Variants in MBOAT1 observed in about 807,000 individuals in gnomAD.
MBOAT1 encodes membrane bound glycerophospholipid O-acyltransferase 1, also known as membrane-bound glycerophospholipid O-acyltransferase 1.
MBOAT1 carries 67 observed loss-of-function variants against 64.4 expected under a neutral mutation model. The observed-to-expected ratio is 1.04, with a 90% confidence interval of 0.85 to 1.27. The LOEUF (loss-of-function observed/expected upper bound fraction) is 1.27, where lower values mean the gene tolerates loss of function less well. MBOAT1 is among the 50% of genes most tolerant of loss of function. MBOAT1 has a pLI of 0.00. For synonymous variants in MBOAT1, 229 were observed against 218.9 expected, an observed-to-expected ratio of 1.05 and a Z score of -0.41; for missense variants, 563 against 604.6, an observed-to-expected ratio of 0.93 and a Z score of 0.72.
At chr6:20,171,333 T>A (rs1460127530) in intron 1 of MBOAT1, among the ~76,000 whole-genome samples, 1 of 147,862 alleles carries the variant, frequency 6.8e-6, no homozygotes, top group Non-Finnish European at 1.5e-5. Flanking sequence ...GCCCAGGAGT[T>A]CAAGACCGGC....
rs115401963 is a variant in MBOAT1, at chr6:20,212,262, T to G, written c.-28A>C. 0.03 allele frequency: 47,757 copies of G among 1,595,844 alleles called. 1,777 individuals are homozygous for G. Among genetic ancestry groups the G allele is most frequent in the African/African-American group, 0.19 (13,900 of 74,676 alleles). On this transcript the variant is annotated 5_prime_UTR_variant, in exon 1 of 13. Coordinates refer to ENST00000324607, the MANE Select transcript of MBOAT1 (RefSeq NM_001080480.3). ...TGCATCTTCGGGAGGTGGCTGCCCC[T>G]GTCCCAGCCCGCAACACCCCCTGCT...
rs192721218 is a variant in MBOAT1, at chr6:20,145,101, C to T, written c.324-786G>A. 1.7e-3 allele frequency among the ~76,000 whole-genome samples: 253 copies of T among 152,238 alleles called. 1 individual carries two copies. The highest frequency in any genetic ancestry group is 5.0e-3 in the African/African-American group (206 of 41,534). ...GCTGTGCAATGAATGATTATGTCTCCCTAAAATTCCTATGTTTAAATGCTA... is the reference window on the plus strand; with the variant it reads ...GCTGTGCAATGAATGATTATGTCTCTCTAAAATTCCTATGTTTAAATGCTA... On this transcript the variant is annotated intron_variant, in intron 3 of 12. Transcript: ENST00000324607.
intron 1 of MBOAT1, among the ~76,000 whole-genome samples, chr6:20,189,361 T>G (rs1219103139): frequency 6.6e-6 from 1 of 152,248 alleles, no homozygotes; most frequent in Non-Finnish European, 1.5e-5. Flanking sequence ...CATCATTTAT[T>G]TGTGGTGAGA....
chr6:20,198,444 C>T (rs535214482), intron 1 of MBOAT1, among the ~76,000 whole-genome samples: 2 of 152,274 alleles, frequency 1.3e-5, no homozygotes, highest in South Asian at 4.1e-4. Context: ...ACAAGACCCT[C>T]TTCAGGAAAT....
At chr6:20,171,115 T>A (rs1762177278) in intron 1 of MBOAT1, among the ~76,000 whole-genome samples, 2 of 152,164 alleles carry the variant, frequency 1.3e-5, no homozygotes, top group South Asian at 2.1e-4. Context: ...AAATACAGTT[T>A]CAGGCCTCTA....
chr6:20,122,159 C>G (rs1261532705), intron 8 of MBOAT1, among the ~76,000 whole-genome samples: 1 of 151,910 alleles, frequency 6.6e-6, no homozygotes, highest in East Asian at 1.9e-4. Context: ...GAGCGAAACT[C>G]CATCTCAAAA....
At chr6:20,122,411 C>A (rs1256776032) in intron 8 of MBOAT1, among the ~76,000 whole-genome samples, 1 of 152,182 alleles carries the variant, frequency 6.6e-6, no homozygotes, top group Non-Finnish European at 1.5e-5. Context: ...TGTCTGTGCT[C>A]CCAACCATGC....
At chr6:20,212,101 G>A in intron 1 of MBOAT1, 35 bp downstream of exon 1, 1 of 1,596,360 alleles carries the variant, frequency 6.3e-7, no homozygotes, top group Non-Finnish European at 8.6e-7. Context: ...GATCGCTGGG[G>A]AGCTGGGGTC....
intron 1 of MBOAT1, among the ~76,000 whole-genome samples, chr6:20,196,566 A>G (rs1316264910): frequency 2.0e-5 from 3 of 152,176 alleles, no homozygotes; most frequent in Non-Finnish European, 4.4e-5. Context: ...ATATATTAAA[A>G]AACAGTGAAC....
intron 8 of MBOAT1, among the ~76,000 whole-genome samples, chr6:20,123,404 G>A (rs1419218691): frequency 1.3e-5 from 2 of 152,156 alleles, no homozygotes; most frequent in African/African-American, 4.8e-5. Context: ...GTGTGACATA[G>A]ACAGGGCTTC....
At chr6:20,211,692 C>T (rs1201171123) in intron 1 of MBOAT1, among the ~76,000 whole-genome samples, 1 of 152,100 alleles carries the variant, frequency 6.6e-6, no homozygotes, top group Non-Finnish European at 1.5e-5. Context: ...GTCTAAAACC[C>T]AGGTCCTGCA....
chr6:20,130,701 CAA>C (rs753257631), intron 5 of MBOAT1, among the ~76,000 whole-genome samples: 2 of 137,776 alleles, frequency 1.5e-5, no homozygotes. Context: ...TTTTCCAAGC[CAA>C]AAAAAAAAAC....
At position 20,149,242 on chromosome 6, in the gene MBOAT1, C is replaced by A. The variant is rs138201189; in HGVS notation, c.323+1943G>T. On this transcript the variant is annotated intron_variant, in intron 3 of 12. Coordinates refer to ENST00000324607, the MANE Select transcript of MBOAT1 (RefSeq NM_001080480.3). ...TACCCTGTCTGTAAACCACATGGCTCTGCCAAGGCCAGAGTATTCCATTCC... is the reference window on the plus strand; with the variant it reads ...TACCCTGTCTGTAAACCACATGGCTATGCCAAGGCCAGAGTATTCCATTCC... Among the ~76,000 whole-genome samples the A allele has an allele frequency of 2.4e-4, 37 of 152,258 alleles. No homozygotes were observed. In the East Asian group the frequency reaches 6.4e-3, roughly 26 times the overall value.
At position 20,150,738 on chromosome 6, in the gene MBOAT1, T is replaced by G. The variant is rs558417385; in HGVS notation, c.323+447A>C. Among the ~76,000 whole-genome samples the G allele has an allele frequency of 1.4e-3, 193 of 140,142 alleles. 1 individual carries two copies. The highest frequency in any genetic ancestry group is 6.5e-3 in the South Asian group (28 of 4,336). The allele number at this position is 140,142 out of a possible 152,430, so 91.9% of individuals were successfully genotyped here. Reference sequence around the variant, plus strand: ...ACCACTACGCCCAGCTAATTTTTTTTGGGTTTTTTTTTTTTGTATTTTTAG... The same window carrying G: ...ACCACTACGCCCAGCTAATTTTTTTGGGGTTTTTTTTTTTTGTATTTTTAG... On this transcript the variant is annotated intron_variant, in intron 3 of 12. Coordinates refer to ENST00000324607, the MANE Select transcript of MBOAT1 (RefSeq NM_001080480.3).
intron 1 of MBOAT1, among the ~76,000 whole-genome samples, chr6:20,186,481 T>C (rs1211908509): frequency 2.0e-5 from 3 of 151,624 alleles, no homozygotes; most frequent in East Asian, 1.9e-4. Flanking sequence ...GAAATGAGAG[T>C]GTGTGAGATC....
intron 1 of MBOAT1, among the ~76,000 whole-genome samples, chr6:20,202,935 C>T (rs891660023): frequency 2.6e-5 from 4 of 152,162 alleles, no homozygotes; most frequent in African/African-American, 9.7e-5. Flanking sequence ...ATTCTTTATA[C>T]AAGTCACTGG....
At chr6:20,168,557 GAAAGAGAAAGAGAGAGAGAGAAAGAGA>G (rs1762083958) in intron 1 of MBOAT1, among the ~76,000 whole-genome samples, 1 of 126,388 alleles carries the variant, frequency 7.9e-6, no homozygotes, top group African/African-American at 3.1e-5. Context: ...GGGAAACAGA[GAAAGAGAAAGAGAGAGAGAGAAAGAGA>G]GAGAGGGAGA....
intron 4 of MBOAT1, among the ~76,000 whole-genome samples, chr6:20,138,093 T>C (rs1761052776): frequency 1.3e-5 from 2 of 152,176 alleles, no homozygotes; most frequent in Non-Finnish European, 2.9e-5. Context: ...CAGGTTGGTA[T>C]GTACTCTCCA....
chr6:20,173,195 T>C (rs1430450164), intron 1 of MBOAT1, among the ~76,000 whole-genome samples: 1 of 152,188 alleles, frequency 6.6e-6, no homozygotes, highest in Non-Finnish European at 1.5e-5. Context: ...AGCCTTTTGT[T>C]TTACTAAATT....
Sources: gnomAD v4.1 joint callset for allele counts (sites outside exome capture counted in the v4.1 genomes callset) on GRCh38, gnomAD v4.1.1 for gene constraint, MANE v1.5 for transcripts, NCBI Gene and HGNC (gene_info 2026-07-23, HGNC 2026-07-21) for gene names.